DHRS12: variants seen among roughly 807,000 people sequenced by gnomAD.
DHRS12 encodes dehydrogenase/reductase 12, also known as dehydrogenase/reductase SDR family member 12.
A neutral mutation model predicts 32.1 loss-of-function variants in DHRS12; 29 were observed. The observed-to-expected ratio is 0.90, with a 90% confidence interval of 0.67 to 1.23. DHRS12 has a LOEUF of 1.23. Ranked by LOEUF, DHRS12 falls within the 50% of genes most tolerant of loss-of-function variation. DHRS12 has a pLI of 0.00. For synonymous variants in DHRS12, 150 were observed against 135.9 expected (o/e 1.10, Z -0.72); for missense variants, 330 against 337.2 (o/e 0.98, Z 0.17).
chr13:51,776,272 C>T (rs566984716), intron 5 of DHRS12: 2 of 152,180 alleles, frequency 1.3e-5, no homozygotes, highest in Non-Finnish European at 1.5e-5. Flanking sequence ...CAAGTGTCAG[C>T]GGAGCTGCGT....
intron 2 of DHRS12, among the ~76,000 whole-genome samples, chr13:51,794,512 G>A (rs905406374): frequency 4.6e-5 from 7 of 152,290 alleles, no homozygotes; most frequent in Middle Eastern, 3.4e-3. Context: ...CTGGAGAGTC[G>A]AAACCCGTTT....
chr13:51,766,768 T>TTAAAA (rs1336961557), downstream of DHRS12: 5 of 152,256 alleles, frequency 3.3e-5, no homozygotes, highest in Admixed American at 3.3e-4. Flanking sequence ...CCGCCACGGT[T>TTAAAA]TAAAATAAAT....
chr13:51,773,806 A>ACCAAG, intron 6 of DHRS12, 124 bp downstream of exon 6: 1 of 798,700 alleles, frequency 1.3e-6, no homozygotes, highest in Non-Finnish European at 2.1e-6. Flanking sequence ...GTGAGGGAAC[A>ACCAAG]TTTTCAGGTG....
intron 6 of DHRS12, 107 bp from the exon 7 acceptor site, chr13:51,772,018 CA>C: frequency 9.5e-7 from 1 of 1,053,078 alleles, no homozygotes; most frequent in Non-Finnish European, 1.4e-6. Flanking sequence ...CTGGACTCTG[CA>C]GTATGTACGG....
At chr13:51,793,824 T>C (rs915012684) in intron 2 of DHRS12, among the ~76,000 whole-genome samples, 2 of 152,136 alleles carry the variant, frequency 1.3e-5, no homozygotes, top group African/African-American at 2.4e-5. Flanking sequence ...GTAACATGTA[T>C]ACAAAATCCA....
the DHRS12 span, chr13:51,755,385 T>G: frequency 6.2e-7 from 1 of 1,614,214 alleles, no homozygotes; most frequent in Non-Finnish European, 8.5e-7. Context: ...CAGTGATTCC[T>G]GCCAAAAGTG....
intron 8 of DHRS12, 176 bp from the exon 9 acceptor site, chr13:51,768,472 A>AC: frequency 7.0e-7 from 1 of 1,434,046 alleles, no homozygotes; most frequent in Admixed American, 2.8e-5. Flanking sequence ...ATGGATTGAT[A>AC]TGTAAAGTGC....
At chr13:51,758,904 C>G in the DHRS12 span, among the ~76,000 whole-genome samples, 1 of 152,146 alleles carries the variant, frequency 6.6e-6, no homozygotes, top group Admixed American at 6.6e-5. Flanking sequence ...AACTCTGGGG[C>G]TGGGTGTGTT....
chr13:51,760,041 C>T, the DHRS12 span: 2 of 358,332 alleles, frequency 5.6e-6, no homozygotes, highest in African/African-American at 2.1e-5. Flanking sequence ...TTTGAGTGTA[C>T]CGAAAAATCT....
downstream of DHRS12, chr13:51,764,804 C>CT (rs1349789009): frequency 6.6e-6 from 1 of 152,312 alleles, no homozygotes; most frequent in Non-Finnish European, 1.5e-5. Context: ...GAGGTGGAGA[C>CT]TATCAGTGCA....
chr13:51,798,029 G>T, intron 2 of DHRS12: 1 of 1,014,478 alleles, frequency 9.9e-7, no homozygotes, highest in Non-Finnish European at 1.4e-6. Flanking sequence ...AGCCTAGATG[G>T]GTGGTTCCCA....
intron 8 of DHRS12, 30 bp from the exon 9 acceptor site, chr13:51,768,326 G>A: frequency 6.5e-7 from 1 of 1,535,068 alleles, no homozygotes; most frequent in South Asian, 1.2e-5. Context: ...GCAGAGAGGT[G>A]TGAGCTGCTG....
Position 51,771,968 on chromosome 13 carries a change from G to C in DHRS12, c.469-57C>G, listed in dbSNP as rs973874319. On this transcript the variant is annotated intron_variant, in intron 6 of 8. Transcript: ENST00000444610. Reference sequence around the variant, plus strand: ...AGAGAGGAGGCGCCATTAGGTGCAAGGGCAGGGGATAAGCCCTGCCCAGCC... The same window carrying C: ...AGAGAGGAGGCGCCATTAGGTGCAACGGCAGGGGATAAGCCCTGCCCAGCC... 60 of 1,564,580 alleles carry C rather than the reference G, an allele frequency of 3.8e-5. No individual in the cohort carries two copies. The African/African-American group carries it at 7.4e-4, about 19-fold the overall frequency.
At position 51,779,948 on chromosome 13, in the gene DHRS12, G is replaced by A. The variant is rs547479408; in HGVS notation, c.302-2827C>T. The stretch of plus-strand genomic sequence containing the variant: ...TCCCAGCACTTTGGGAGGCCGAGGC[G>A]GGCGGATCACTTGAGGTCAGGAGTT... On this transcript the variant is annotated intron_variant, in intron 4 of 8. Transcript: ENST00000444610. 1.8e-4 allele frequency among the ~76,000 whole-genome samples: 27 copies of A among 152,040 alleles called. No individual in the cohort carries two copies. The East Asian group carries it at 4.7e-3, about 26-fold the overall frequency.
Position 51,769,256 on chromosome 13 carries a change from G to A in DHRS12, c.597C>T (p.Phe199=), listed in dbSNP as rs1392895609. ...GGGCCTCGGAGCGCAGGCGGTCCCC[G>A]AACCTGGCGTGGAACCCCGGCATCG... ...RQAMPGFHAR[F]GDRLRSEAQG... Residue 199 remains phenylalanine (F), a synonymous_variant, in exon 8 of 9, where the codon TTC becomes TTT. Coordinates refer to ENST00000444610, the MANE Select transcript of DHRS12 (RefSeq NM_001377533.1). 5 of 1,588,932 alleles carry A rather than the reference G, an allele frequency of 3.1e-6. No homozygotes were observed. The highest frequency in any genetic ancestry group is 1.3e-5 in the African/African-American group (1 of 74,260).
chr13:51,803,891 C>T lies in DHRS12; in HGVS notation c.-9+163G>A, dbSNP rs1175401923. The T allele has an allele frequency of 2.3e-5, 13 of 559,934 alleles. 1 individual carries two copies. In the South Asian group the frequency reaches 6.7e-4, roughly 29 times the overall value. The allele number at this position is 559,934 out of a possible 1,614,324, so 34.7% of individuals were successfully genotyped here. ...GTCTGGCGACTGCCCCACGCCCAGC[C>T]GTGGGTCGCTAGACGGCGGGCGCAC... On this transcript the variant is annotated intron_variant, in intron 1 of 8. Transcript: ENST00000444610.
chr13:51,755,527 G>A, the DHRS12 span: 2 of 1,478,102 alleles, frequency 1.4e-6, 1 homozygote, highest in African/African-American at 2.8e-5. Flanking sequence ...GATCTTAGAA[G>A]AAATAACACC....
chr13:51,785,734 A>G (rs1954924904), intron 4 of DHRS12, among the ~76,000 whole-genome samples: 1 of 152,248 alleles, frequency 6.6e-6, no homozygotes, highest in Admixed American at 6.5e-5. Flanking sequence ...CAGAAGAGTC[A>G]GCAAAAATGC....
At chr13:51,803,751 A>C in intron 1 of DHRS12, 1 of 265,608 alleles carries the variant, frequency 3.8e-6, no homozygotes, top group Non-Finnish European at 7.0e-6. Flanking sequence ...GGTGCCGCCC[A>C]AGAGGCTCCT....
Sources: gnomAD v4.1 joint callset for allele counts (sites outside exome capture counted in the v4.1 genomes callset) on GRCh38, gnomAD v4.1.1 for gene constraint, MANE v1.5 for transcripts, NCBI Gene and HGNC (gene_info 2026-07-23, HGNC 2026-07-21) for gene names.